The following MARCHF7 variants were observed in gnomAD, a reference collection of about 807,000 sequenced individuals.
MARCHF7 encodes the protein E3 ubiquitin-protein ligase MARCHF7.
In MARCHF7, 20 loss-of-function variants were observed where a neutral mutation model predicts 76.5. The ratio of observed to expected loss-of-function variants is 0.26; its 90% confidence interval spans 0.18 to 0.38. The LOEUF (loss-of-function observed/expected upper bound fraction) is 0.38. MARCHF7 is among the 10% of genes least tolerant of loss of function. The pLI, the probability that MARCHF7 is intolerant of heterozygous loss-of-function variation, is 1.00. For synonymous variants in MARCHF7, 295 were observed against 293.0 expected (o/e 1.01, Z -0.07); for missense variants, 797 against 812.9 (o/e 0.98, Z 0.24).
chr2:159,744,551 TGTG>T (rs1192050405), intron 5 of MARCHF7, among the ~76,000 whole-genome samples: 78 of 152,360 alleles, frequency 5.1e-4, no homozygotes, highest in African/African-American at 1.8e-3. Flanking sequence ...AGCCAAAACT[TGTG>T]GTGACACAAT....
intron 4 of MARCHF7, among the ~76,000 whole-genome samples, chr2:159,734,548 A>T (rs1703224502): frequency 1.3e-5 from 2 of 152,184 alleles, no homozygotes; most frequent in Non-Finnish European, 2.9e-5. Flanking sequence ...AAATATGGAG[A>T]GTGGGTCAGA....
chr2:159,730,916 G>A (rs550542907), intron 4 of MARCHF7, among the ~76,000 whole-genome samples: 5 of 132,258 alleles, frequency 3.8e-5, no homozygotes, highest in Non-Finnish European at 8.4e-5. Flanking sequence ...TTTGAGACAG[G>A]ATCTCACTCT....
At chr2:159,742,869 A>G (rs1239588433) in intron 4 of MARCHF7, among the ~76,000 whole-genome samples, 192 bp from the exon 5 acceptor site, 1 of 152,116 alleles carries the variant, frequency 6.6e-6, no homozygotes, top group African/African-American at 2.4e-5. Flanking sequence ...CCCTGGAGGC[A>G]AAGGTTACAG....
chr2:159,716,527 G>A (rs529195102), intron 3 of MARCHF7, among the ~76,000 whole-genome samples: 81 of 152,056 alleles, frequency 5.3e-4, no homozygotes, highest in Non-Finnish European at 1.0e-3. Context: ...GTGCGTGCCT[G>A]TAGTCCAGGC....
intron 7 of MARCHF7, among the ~76,000 whole-genome samples, chr2:159,750,384 G>C (rs556063691): frequency 6.6e-6 from 1 of 152,186 alleles, no homozygotes; most frequent in Non-Finnish European, 1.5e-5. Flanking sequence ...ATTTAGCTGG[G>C]TGTGGTGGCA....
At chr2:159,735,298 TAATC>T (rs1219864989) in intron 4 of MARCHF7, among the ~76,000 whole-genome samples, 2 of 152,242 alleles carry the variant, frequency 1.3e-5, no homozygotes, top group Non-Finnish European at 2.9e-5. Flanking sequence ...GATTTTTAAT[TAATC>T]ATTTGCCAGT....
intron 3 of MARCHF7, among the ~76,000 whole-genome samples, chr2:159,716,030 G>A (rs1447537144): frequency 6.6e-6 from 1 of 152,080 alleles, no homozygotes; most frequent in African/African-American, 2.4e-5. Context: ...TAACATCATA[G>A]TCATATTTTC....
At chr2:159,730,946 G>A (rs1691286263) in intron 4 of MARCHF7, among the ~76,000 whole-genome samples, 1 of 152,146 alleles carries the variant, frequency 6.6e-6, no homozygotes, top group Non-Finnish European at 1.5e-5. Context: ...GCTGGAGTGA[G>A]TGGTGCAATC....
At chr2:159,715,458 C>A (rs1318607322) in intron 2 of MARCHF7, among the ~76,000 whole-genome samples, 3 of 152,094 alleles carry the variant, frequency 2.0e-5, no homozygotes, top group African/African-American at 4.8e-5. Flanking sequence ...GCAGTTCTCC[C>A]ACCTCAGCTT....
chr2:159,762,243 C>T (rs550621339), intron 9 of MARCHF7, among the ~76,000 whole-genome samples: 4 of 152,194 alleles, frequency 2.6e-5, no homozygotes, highest in African/African-American at 9.7e-5. Flanking sequence ...CTGGAGCACT[C>T]TCCCCAAGGC....
chr2:159,755,246 A>G (rs1425035371), intron 8 of MARCHF7, among the ~76,000 whole-genome samples: 1 of 152,146 alleles, frequency 6.6e-6, no homozygotes, highest in East Asian at 1.9e-4. Flanking sequence ...TAAAATGGCT[A>G]TTTAGGGGTA....
At chr2:159,713,881 G>T (rs894145764) in intron 1 of MARCHF7, among the ~76,000 whole-genome samples, 5 of 152,232 alleles carry the variant, frequency 3.3e-5, no homozygotes, top group Non-Finnish European at 7.3e-5. Context: ...CTGAGGTGGT[G>T]TGTGAAGCAG....
chr2:159,755,245 T>A (rs1384050618), intron 8 of MARCHF7, among the ~76,000 whole-genome samples: 1 of 152,150 alleles, frequency 6.6e-6, no homozygotes, highest in Non-Finnish European at 1.5e-5. Flanking sequence ...TTAAAATGGC[T>A]ATTTAGGGGT....
intron 10 of MARCHF7, among the ~76,000 whole-genome samples, chr2:159,764,069 A>ATTT (rs1169751331): frequency 6.6e-6 from 1 of 152,208 alleles, no homozygotes; most frequent in East Asian, 1.9e-4. Context: ...TGTTTTTAAA[A>ATTT]GTTCATATTA....
In MARCHF7 at chr2:159,759,349, G is replaced by C. The variant is rs367865873; in HGVS notation, c.1893+14G>C. 3.7e-5 allele frequency: 54 copies of C among 1,461,628 alleles called. No homozygotes were observed. The highest frequency in any genetic ancestry group is 5.0e-5 in the Non-Finnish European group (52 of 1,048,886). The allele number at this position is 1,461,628 out of a possible 1,614,324, so 90.5% of individuals were successfully genotyped here. On this transcript the variant is annotated intron_variant, in intron 9 of 11. Transcript: ENST00000409175. ...GCAAATGAACAAGTTAGTATATTTTGCCTAATTTGGTAAGTGTCTATTCTA... is the reference window on the plus strand; with the variant it reads ...GCAAATGAACAAGTTAGTATATTTTCCCTAATTTGGTAAGTGTCTATTCTA...
chr2:159,742,813 T>C (rs1704300663), intron 4 of MARCHF7, among the ~76,000 whole-genome samples: 1 of 152,122 alleles, frequency 6.6e-6, no homozygotes, highest in Non-Finnish European at 1.5e-5. Context: ...GGCACACACC[T>C]GTAATGCCAG....
Position 159,734,351 on chromosome 2 carries a change from C to T in MARCHF7, c.153+5176C>T, listed in dbSNP as rs180811154. Among the ~76,000 whole-genome samples the T allele has an allele frequency of 8.6e-5, 13 of 151,208 alleles. No individual in the cohort carries two copies. In the East Asian group the frequency reaches 2.3e-3, roughly 27 times the overall value. On this transcript the variant is annotated intron_variant, in intron 4 of 11. Coordinates refer to ENST00000409175, the MANE Select transcript of MARCHF7 (RefSeq NM_001282805.2). The stretch of plus-strand genomic sequence containing the variant: ...TTTTTTTTTAGTTTGTAGATAACTG[C>T]TATAGAGATCAGTACCATTGCATAT...
Position 159,748,912 on chromosome 2 carries a change from G to T in MARCHF7, c.1613+9G>T. 1 of 1,579,336 alleles carries T rather than the reference G, an allele frequency of 6.3e-7. No individual in the cohort carries two copies. Among genetic ancestry groups the T allele is most frequent in the South Asian group, 1.2e-5 (1 of 85,222 alleles). Reference sequence around the variant, plus strand: ...CAGAAAATAAAAGAGAGGTAAATTCGAATACCTGTCTTAAGCCTATAAATC... The same window carrying T: ...CAGAAAATAAAAGAGAGGTAAATTCTAATACCTGTCTTAAGCCTATAAATC... On this transcript the variant is annotated intron_variant, in intron 7 of 11. Coordinates refer to ENST00000409175, the MANE Select transcript of MARCHF7 (RefSeq NM_001282805.2).
intron 4 of MARCHF7, chr2:159,732,995 C>A: frequency 1.1e-6 from 1 of 874,554 alleles, no homozygotes; most frequent in Non-Finnish European, 1.4e-6. Flanking sequence ...TGGAACAGTG[C>A]CTAGAACATA....
Sources: gnomAD v4.1 joint callset for allele counts (sites outside exome capture counted in the v4.1 genomes callset) on GRCh38, gnomAD v4.1.1 for gene constraint, MANE v1.5 for transcripts, NCBI Gene and HGNC (gene_info 2026-07-23, HGNC 2026-07-21) for gene names.